Variants in IL9R observed in about 807,000 individuals in gnomAD.
The protein encoded by IL9R is interleukin-9 receptor.
A neutral mutation model predicts 56.3 loss-of-function variants in IL9R; 54 were observed. The observed-to-expected ratio is 0.96, with a 90% CI of 0.77 to 1.20. The LOEUF (loss-of-function observed/expected upper bound fraction) is 1.20. Ranked by LOEUF, IL9R falls within the 50% of genes most tolerant of loss-of-function variation. The pLI is 0.00. For missense variants in IL9R, 545 were observed against 629.8 expected (o/e 0.87, Z 1.44); for synonymous variants, 212 against 250.2 (o/e 0.85, Z 1.44).
rs3093499 is a variant in IL9R at position 156,004,181 on chromosome X, G to A, written c.434-239G>A. ...TGGGAAAAGCTTCCAGCAGCAGACTGTGAAGGAAAGGGAAAGCAAGATTTA... is the reference window on the plus strand; with the variant it reads ...TGGGAAAAGCTTCCAGCAGCAGACTATGAAGGAAAGGGAAAGCAAGATTTA... On this transcript the variant is annotated intron_variant, in intron 4 of 8. Coordinates refer to ENST00000244174, the MANE Select transcript of IL9R (RefSeq NM_002186.3). 7,691 of 601,596 alleles carry A rather than the reference G, an allele frequency of 0.013. 474 individuals carry two copies. In the African/African-American group the frequency reaches 0.13, roughly 10 times the overall value. The allele number at this position is 601,596 out of a possible 1,614,324, so 37.3% of individuals were successfully genotyped here.
At chrX:156,000,218 G>T (rs2067429538) in intron 1 of IL9R, among the ~76,000 whole-genome samples, 1 of 151,972 alleles carries the variant, frequency 6.6e-6, no homozygotes, top group Admixed American at 6.6e-5. Context: ...GCAGTAACTG[G>T]TGTGAGGGCA....
At chrX:156,001,383 GC>G in intron 1 of IL9R, 2 of 1,491,210 alleles carry the variant, frequency 1.3e-6, no homozygotes, top group Admixed American at 3.3e-5. Flanking sequence ...CAGGCTGACT[GC>G]CTTCCCCATT....
chrX:156,004,754 G>A (rs190669096), intron 5 of IL9R, among the ~76,000 whole-genome samples, 189 bp downstream of exon 5: 157 of 152,286 alleles, frequency 1.0e-3, no homozygotes, highest in African/African-American at 3.6e-3. Flanking sequence ...ATGGGAGTAG[G>A]GTGAGTGCGC....
chrX:156,002,265 A>T (rs2067582608), intron 1 of IL9R, among the ~76,000 whole-genome samples: 1 of 151,876 alleles, frequency 6.6e-6, no homozygotes, highest in Non-Finnish European at 1.5e-5. Flanking sequence ...CAGGATAATC[A>T]CTTGAACCCA....
chrX:156,001,397 C>G (rs756119891), intron 1 of IL9R: 4 of 1,587,442 alleles, frequency 2.5e-6, no homozygotes, highest in East Asian at 2.2e-5. Context: ...TCCCCATTCC[C>G]ACCTTTCCAG....
chrX:156,003,119 G>C (rs761989936), intron 2 of IL9R, 100 bp downstream of exon 2: 635 of 1,486,950 alleles, frequency 4.3e-4, no homozygotes, highest in Non-Finnish European at 5.4e-4. Flanking sequence ...GAAAGGTTTG[G>C]CCCAAACTGT....
At chrX:156,001,429 G>A (rs1464146358) in intron 1 of IL9R, 3 of 1,610,606 alleles carry the variant, frequency 1.9e-6, no homozygotes, top group Admixed American at 1.7e-5. Flanking sequence ...AGAACGGACA[G>A]ACACTGCTGC....
chrX:156,004,687 G>A, intron 5 of IL9R, 122 bp downstream of exon 5: 2 of 978,738 alleles, frequency 2.0e-6, no homozygotes, highest in Non-Finnish European at 1.6e-6. Flanking sequence ...AACTAGAGCG[G>A]GGTGTGTGTG....
Position 156,004,419 on chromosome X carries a change from G to A in IL9R, c.434-1G>A, listed in dbSNP as rs2067764282. 2 of 1,613,874 alleles carry A rather than the reference G, an allele frequency of 1.2e-6. No individual in the cohort carries two copies. Among genetic ancestry groups the A allele is most frequent in the African/African-American group, 2.7e-5 (2 of 75,026 alleles). On this transcript the variant is annotated splice_acceptor_variant, in intron 4 of 8. Coordinates refer to ENST00000244174, the MANE Select transcript of IL9R (RefSeq NM_002186.3). LOFTEE classifies it high-confidence loss of function. ...CCTCACATGGATTCACTCTGTTCCA[G>A]TTAAGCTGGACCCGCCCTCTGACTT...
intron 1 of IL9R, among the ~76,000 whole-genome samples, chrX:156,002,456 AGAGCTGTTGTGAGAATTAAAGT>A (rs2067598772): frequency 1.3e-5 from 2 of 152,290 alleles, no homozygotes; most frequent in African/African-American, 4.8e-5. Context: ...TCTCCCTTAC[AGAGCTGTTGTGAGAATTAAAGT>A]AGAAAATGTA....
intron 4 of IL9R, 24 bp from the exon 5 acceptor site, chrX:156,004,396 T>C (rs1474599269): frequency 6.2e-7 from 1 of 1,613,364 alleles, no homozygotes; most frequent in Non-Finnish European, 8.5e-7. Flanking sequence ...GGCTTCAGCC[T>C]CACATGGATT....
rs781668465 is a variant in IL9R, at chrX:155,997,870, C to T, written c.28+83C>T. 6.5e-5 allele frequency: 86 copies of T among 1,325,154 alleles called. 1 individual carries two copies. The highest frequency in any genetic ancestry group is 3.5e-4 in the African/African-American group (24 of 69,458). 82.1% of individuals were successfully genotyped at this position (1,325,154 alleles called of 1,614,324 possible). On this transcript the variant is annotated intron_variant, in intron 1 of 8. Transcript: ENST00000244174. ...GAGAGGGACATGTGGCCCTCCAACT[C>T]GGGGCCCAGGGAGCCACTGTGGCAT...
intron 8 of IL9R, among the ~76,000 whole-genome samples, chrX:156,009,003 GTGTGTGTGTGTCTC>G (rs1404480183): frequency 1.4e-4 from 5 of 36,478 alleles, no homozygotes; most frequent in South Asian, 9.7e-4. Flanking sequence ...GTGTGTGTTT[GTGTGTGTGTGTCTC>G]TGTGTGTGTG....
intron 1 of IL9R, among the ~76,000 whole-genome samples, chrX:156,002,557 C>T (rs1450154797): frequency 3.9e-5 from 6 of 152,106 alleles, no homozygotes; most frequent in South Asian, 2.1e-4. Flanking sequence ...GGCCTGGGCC[C>T]GGGAATGGGG....
Position 156,004,400 on chromosome X carries a change from A to G in IL9R, c.434-20A>G. ...CAGACCCATGGGGCTTCAGCCTCAC[A>G]TGGATTCACTCTGTTCCAGTTAAGC... On this transcript the variant is annotated intron_variant, in intron 4 of 8. Coordinates refer to ENST00000244174, the MANE Select transcript of IL9R (RefSeq NM_002186.3). The G allele has an allele frequency of 1.9e-6, 3 of 1,613,650 alleles. No homozygotes were observed. Among genetic ancestry groups the G allele is most frequent in the Non-Finnish European group, 2.5e-6 (3 of 1,179,692 alleles).
intron 8 of IL9R, among the ~76,000 whole-genome samples, chrX:156,008,947 CTGTGTG>C (rs1243188940): frequency 9.5e-6 from 1 of 104,890 alleles, no homozygotes; most frequent in Admixed American, 9.2e-5. Flanking sequence ...GTGTGTATGT[CTGTGTG>C]TGTGTGTTTA....
chrX:156,008,414 G>T (rs2974780), intron 8 of IL9R, among the ~76,000 whole-genome samples: 1 of 139,428 alleles, frequency 7.2e-6, no homozygotes, highest in Non-Finnish European at 1.6e-5. Context: ...AATGAGGAGC[G>T]TAGTTTTCAA....
chrX:156,009,286 GTGTGTGTGTTTATGTGTGTGTGTC>G (rs2068303989), intron 8 of IL9R, among the ~76,000 whole-genome samples: 1 of 146,662 alleles, frequency 6.8e-6, no homozygotes, highest in Non-Finnish European at 1.5e-5. Context: ...ATGTCTGTGT[GTGTGTGTGTTTATGTGTGTGTGTC>G]TGTGTGTGTT....
At position 156,004,428 on chromosome X, in the gene IL9R, G is replaced by T. The variant is rs753927767; in HGVS notation, c.442G>T (p.Asp148Tyr). The T allele has an allele frequency of 1.9e-6, 3 of 1,613,874 alleles. No homozygotes were observed. The South Asian group carries it at 3.3e-5, about 18-fold the overall frequency. ...GATTCACTCTGTTCCAGTTAAGCTG[G>T]ACCCGCCCTCTGACTTGCAGAGCAA... ...EYLPRRHVKL[D>Y]PPSDLQSNIS... The change falls in exon 5 of 9, where the codon GAC becomes TAC. Residue 148 changes from aspartate (D) to tyrosine (Y), a missense_variant. Asp to Tyr is a radical substitution (Grantham distance 160). Around this residue, in one of 2 missense-constraint regions of IL9R, gnomAD observed 431 missense variants for 360.0 expected, o/e 1.20. Transcript: ENST00000244174.
Sources: allele counts gnomAD v4.1 joint callset (sites outside exome capture counted in the v4.1 genomes callset), GRCh38; gene constraint gnomAD v4.1.1; regional missense constraint gnomAD v4.1.1; transcripts MANE v1.5; gene names NCBI Gene and HGNC (gene_info 2026-07-23, HGNC 2026-07-21).